SMIM8: variants seen among roughly 807,000 people sequenced by gnomAD.
SMIM8 encodes the protein small integral membrane protein 8.
Under a neutral mutation model 8.1 loss-of-function variants are expected in SMIM8, and 8 were observed. That is an observed-to-expected ratio of 0.99 (90% CI 0.58 to 1.78). The LOEUF (loss-of-function observed/expected upper bound fraction) is 1.78. Among genes scored for constraint, SMIM8 ranks in the 40% most tolerant of loss-of-function variants. The probability of loss-of-function intolerance (pLI) is 0.00; values close to 1 mark genes in which losing one functional copy is unlikely to be tolerated. For missense variants in SMIM8, 126 were observed against 119.8 expected (o/e 1.05, Z -0.24); for synonymous variants, 45 against 39.7 (o/e 1.13, Z -0.50).
At position 87,341,406 on chromosome 6, in the gene SMIM8, C is replaced by A. The variant is rs1054295196; in HGVS notation, c.*1132C>A. On this transcript the variant is annotated 3_prime_UTR_variant, in exon 4 of 4. Coordinates refer to ENST00000392863, the MANE Select transcript of SMIM8 (RefSeq NM_001042493.3). ...TGGCCCAGGGGCCTAGGACAGAGGT[C>A]AAGGCTAGGCCCCTGTGTCTGGCCA... The A allele has an allele frequency of 1.3e-5, 5 of 397,070 alleles. No individual in the cohort carries two copies. Among genetic ancestry groups the A allele is most frequent in the Non-Finnish European group, 2.2e-5 (5 of 225,332 alleles). 24.6% of individuals were successfully genotyped at this position (397,070 alleles called of 1,614,324 possible). A position where few individuals can be genotyped will look rare whatever the true frequency, so the allele number is the denominator to read the frequency against.
At chr6:87,339,436 TTGTGTGTGTG>T (rs150051963) in intron 3 of SMIM8, among the ~76,000 whole-genome samples, 3 of 113,232 alleles carry the variant, frequency 2.6e-5, no homozygotes, top group Middle Eastern at 5.0e-3. Flanking sequence ...GTGTGTGTGT[TTGTGTGTGTG>T]TGTGTGTGTG....
intron 1 of SMIM8, among the ~76,000 whole-genome samples, chr6:87,328,673 T>G (rs1487201183): frequency 6.6e-6 from 1 of 152,208 alleles, no homozygotes. Context: ...GACAGGGACA[T>G]TTAAGTCTGC....
intron 1 of SMIM8, among the ~76,000 whole-genome samples, chr6:87,330,373 T>G (rs1321715682): frequency 6.6e-6 from 1 of 152,226 alleles, no homozygotes; most frequent in African/African-American, 2.4e-5. Context: ...GTTTGAAGAT[T>G]AAGTGTTTCC....
intron 1 of SMIM8, among the ~76,000 whole-genome samples, chr6:87,323,864 T>C (rs577887800): frequency 2.6e-5 from 4 of 152,262 alleles, no homozygotes; most frequent in South Asian, 4.1e-4. Flanking sequence ...ACTTCCACAA[T>C]GGTTGTACTG....
rs1048648408 is a variant in SMIM8 at position 87,337,109 on chromosome 6, AG to A, written c.82del (p.Val28CysfsTer10). 10 of 1,613,304 alleles carry A rather than the reference AG, an allele frequency of 6.2e-6. No individual in the cohort carries two copies. Among genetic ancestry groups the A allele is most frequent in the East Asian group, 2.2e-5 (1 of 44,862 alleles). ...AAGAGTTTCAAAGCCCAGGGCTCAG[AG>A]GGGTGCGCACAACAACCTTATTTCG... Reference protein sequence around the residue: ...EKEFQSPGLRGVRTTTLFRAV... With the variant: ...EKEFQSPGLRXVRTTTLFRAV... On this transcript the variant is annotated frameshift_variant, in exon 3 of 4. Transcript: ENST00000392863. LOFTEE classifies it high-confidence loss of function.
intron 1 of SMIM8, among the ~76,000 whole-genome samples, chr6:87,325,867 T>C (rs1265611561): frequency 2.0e-5 from 3 of 152,256 alleles, no homozygotes; most frequent in Non-Finnish European, 4.4e-5. Context: ...GTACCTCTGT[T>C]AGAATTCGGC....
chr6:87,341,374 T>G lies in SMIM8; in HGVS notation c.*1100T>G, dbSNP rs74964354. The G allele has an allele frequency of 1.9e-3, 696 of 370,788 alleles. 1 individual carries two copies. The highest frequency in any genetic ancestry group is 0.015 in the African/African-American group (641 of 43,516). 23.0% of individuals were successfully genotyped at this position (370,788 alleles called of 1,614,324 possible). ...AGAAGCAGAATGGCCTTGGTTGTCC[T>G]GGCACCTGGCCCAGGGGCCTAGGAC... On this transcript the variant is annotated 3_prime_UTR_variant, in exon 4 of 4. Coordinates refer to ENST00000392863, the MANE Select transcript of SMIM8 (RefSeq NM_001042493.3).
At chr6:87,329,719 A>G (rs1776947665) in intron 1 of SMIM8, among the ~76,000 whole-genome samples, 1 of 152,158 alleles carries the variant, frequency 6.6e-6, no homozygotes, top group Admixed American at 6.5e-5. Flanking sequence ...CCTTTTATCA[A>G]TTCAAGAGTA....
intron 1 of SMIM8, among the ~76,000 whole-genome samples, chr6:87,325,577 T>A (rs1776797910): frequency 6.6e-6 from 1 of 150,702 alleles, no homozygotes; most frequent in Non-Finnish European, 1.5e-5. Flanking sequence ...TTTATTGATT[T>A]GCATATATTG....
chr6:87,331,214 T>C (rs1435798306), intron 2 of SMIM8, among the ~76,000 whole-genome samples: 1 of 152,158 alleles, frequency 6.6e-6, no homozygotes, highest in Non-Finnish European at 1.5e-5. Flanking sequence ...GAGAAACTAG[T>C]GGGAAGACTA....
chr6:87,330,826 A>C (rs1235409393), intron 2 of SMIM8, 114 bp downstream of exon 2: 1 of 152,024 alleles, frequency 6.6e-6, no homozygotes, highest in African/African-American at 2.4e-5. Context: ...TTTTAAGAAA[A>C]GATAAATAAC....
chr6:87,337,080 GAGAA>G lies in SMIM8; in HGVS notation c.53_56del (p.Lys18SerfsTer19). The G allele has an allele frequency of 6.2e-7, 1 of 1,613,156 alleles. No homozygotes were observed. On this transcript the variant is annotated frameshift_variant, in exon 3 of 4. Coordinates refer to ENST00000392863, the MANE Select transcript of SMIM8 (RefSeq NM_001042493.3). LOFTEE classifies it high-confidence loss of function. ...AACATTCAAAAAGGAACCACCCAAA[GAGAA>G]AGAGTTTCAAAGCCCAGGGCTCAGA...
chr6:87,327,706 CTT>C (rs763016521), intron 1 of SMIM8, among the ~76,000 whole-genome samples: 14,731 of 146,828 alleles, frequency 0.1, 442 homozygotes, highest in East Asian at 0.12. Context: ...TTCATTTCAA[CTT>C]TGGTGAATCT....
chr6:87,337,993 TATG>T (rs1205239757), intron 3 of SMIM8, among the ~76,000 whole-genome samples: 12 of 152,282 alleles, frequency 7.9e-5, no homozygotes, highest in African/African-American at 2.2e-4. Context: ...TAAAATAAAA[TATG>T]ATAAATATTT....
At chr6:87,338,053 T>C (rs902191456) in intron 3 of SMIM8, among the ~76,000 whole-genome samples, 2 of 152,238 alleles carry the variant, frequency 1.3e-5, no homozygotes, top group African/African-American at 4.8e-5. Context: ...GTTATCAATG[T>C]AAACTTTTAA....
rs929847852 is a variant in SMIM8 at position 87,342,229 on chromosome 6, G to A, written c.*1955G>A. On this transcript the variant is annotated 3_prime_UTR_variant, in exon 4 of 4. Coordinates refer to ENST00000392863, the MANE Select transcript of SMIM8 (RefSeq NM_001042493.3). The stretch of plus-strand genomic sequence containing the variant: ...TTGTAGGACAGTCTTTGTGTGTGCT[G>A]AGTGTCAACAGCTGCCTGCCTATGT... 1 of 152,230 alleles carries A rather than the reference G, an allele frequency of 6.6e-6. No individual in the cohort carries two copies. The highest frequency in any genetic ancestry group is 2.4e-5 in the African/African-American group (1 of 41,454). The allele number at this position is 152,230 out of a possible 1,614,324, so 9.4% of individuals were successfully genotyped here.
intron 3 of SMIM8, 142 bp from the exon 4 acceptor site, chr6:87,339,974 A>G: frequency 3.4e-6 from 2 of 596,266 alleles, no homozygotes; most frequent in South Asian, 2.7e-5. Context: ...AACTGAATAA[A>G]TGATTTTAAT....
chr6:87,340,097 A>ATTT lies in SMIM8; in HGVS notation c.136-12_136-10dup. 1 of 1,514,874 alleles carries ATTT rather than the reference A, an allele frequency of 6.6e-7. No individual in the cohort carries two copies. The highest frequency in any genetic ancestry group is 1.3e-5 in the South Asian group (1 of 74,832). 93.8% of individuals were successfully genotyped at this position (1,514,874 alleles called of 1,614,324 possible). ...TTGTTAGTCTTACTAAAGCTTTATAATTTTTTTTTCTTTGACAGAACAAAC... is the reference window on the plus strand; with the variant it reads ...TTGTTAGTCTTACTAAAGCTTTATAATTTTTTTTTTTTCTTTGACAGAACAAAC... On this transcript the variant is annotated intron_variant, in intron 3 of 3. Transcript: ENST00000392863.
intron 3 of SMIM8, among the ~76,000 whole-genome samples, chr6:87,338,364 G>T (rs1777155852): frequency 6.6e-6 from 1 of 152,172 alleles, no homozygotes; most frequent in South Asian, 2.1e-4. Context: ...AAGCACTCTG[G>T]AGAGCAAAAG....
Sources: gnomAD v4.1 joint callset for allele counts (sites outside exome capture counted in the v4.1 genomes callset) on GRCh38, gnomAD v4.1.1 for gene constraint, MANE v1.5 for transcripts, NCBI Gene and HGNC (gene_info 2026-07-23, HGNC 2026-07-21) for gene names.